The following KANK1 variants were observed in gnomAD, a reference collection of about 807,000 sequenced individuals.
KANK1 encodes the protein KN motif and ankyrin repeat domains 1, also known as KN motif and ankyrin repeat domain-containing protein 1.
KANK1 carries 109 observed loss-of-function variants against 106.2 expected under a neutral mutation model. The ratio of observed to expected loss-of-function variants is 1.03; its 90% CI spans 0.88 to 1.20. The LOEUF (loss-of-function observed/expected upper bound fraction) is 1.20. Ranked by LOEUF, KANK1 falls within the 50% of genes most tolerant of loss-of-function variation. The probability of loss-of-function intolerance (pLI) is 0.00; values close to 1 mark genes in which losing one functional copy is unlikely to be tolerated. For synonymous variants in KANK1, 873 were observed against 652.2 expected (o/e 1.34, Z -5.16); for missense variants, 2,399 against 1,710.7 (o/e 1.40, Z -7.10).
intron 2 of KANK1, among the ~76,000 whole-genome samples, chr9:695,987 A>G (rs1430560427): frequency 6.6e-6 from 1 of 152,138 alleles, no homozygotes. Context: ...GTACTGAGGA[A>G]TACAAACATA....
intron 9 of KANK1, among the ~76,000 whole-genome samples, chr9:741,982 C>G (rs556176459): frequency 6.6e-6 from 1 of 152,192 alleles, no homozygotes; most frequent in African/African-American, 2.4e-5. Flanking sequence ...ACATCCTCCA[C>G]GCTAAAATGA....
chr9:667,734 G>T (rs1588725237), intron 1 of KANK1, among the ~76,000 whole-genome samples: 1 of 67,420 alleles, frequency 1.5e-5, no homozygotes, highest in African/African-American at 5.1e-5. Flanking sequence ...ATTTCCAAAG[G>T]TTTTTTTGTT....
chr9:577,192 G>C (rs1820795765), intron 1 of KANK1, among the ~76,000 whole-genome samples: 1 of 152,192 alleles, frequency 6.6e-6, no homozygotes, highest in Non-Finnish European at 1.5e-5. Flanking sequence ...TGCCTCTGCT[G>C]GCTCTGGTGG....
At chr9:604,073 G>C (rs79252637) in intron 1 of KANK1, among the ~76,000 whole-genome samples, 17 of 151,602 alleles carry the variant, frequency 1.1e-4, no homozygotes, top group African/African-American at 4.1e-4. Context: ...AGTGATTTCA[G>C]CAAAAAGTTG....
intron 1 of KANK1, among the ~76,000 whole-genome samples, chr9:508,866 C>T (rs550328232): frequency 5.9e-4 from 90 of 152,224 alleles, no homozygotes; most frequent in African/African-American, 2.1e-3. Flanking sequence ...TTCTAGTACA[C>T]GTCTTGATAC....
At chr9:726,715 T>C (rs183293463) in intron 3 of KANK1, among the ~76,000 whole-genome samples, 2 of 151,858 alleles carry the variant, frequency 1.3e-5, no homozygotes, top group East Asian at 3.9e-4. Context: ...ATCCCAACGC[T>C]TTGGGAGGTC....
chr9:722,802 T>C (rs1157200893), intron 3 of KANK1, among the ~76,000 whole-genome samples: 2 of 152,184 alleles, frequency 1.3e-5, no homozygotes, highest in Non-Finnish European at 2.9e-5. Context: ...TGGACACTTA[T>C]TAAAGGCTCT....
rs528642198 is a variant in KANK1 at position 696,151 on chromosome 9, G to A, written c.38-14653G>A. Among the ~76,000 whole-genome samples, 20 of 152,152 alleles carry A rather than the reference G, an allele frequency of 1.3e-4. No homozygotes were observed. In the East Asian group the frequency reaches 3.7e-3, roughly 28 times the overall value. On this transcript the variant is annotated intron_variant, in intron 2 of 11. Coordinates refer to ENST00000382297, the MANE Select transcript of KANK1 (RefSeq NM_015158.5). ...TACAAAAAATTAGCCGGGCGTGGTGGCGGGCGCCTGTAGTCCCAGCTACTC... is the reference window on the plus strand; with the variant it reads ...TACAAAAAATTAGCCGGGCGTGGTGACGGGCGCCTGTAGTCCCAGCTACTC...
intron 1 of KANK1, among the ~76,000 whole-genome samples, chr9:607,499 AAAAAAAAAGG>A (rs1220682071): frequency 6.6e-6 from 1 of 151,036 alleles, no homozygotes; most frequent in African/African-American, 2.5e-5. Context: ...AAAAAAAAAA[AAAAAAAAAGG>A]AGATGGCTAT....
At chr9:672,294 G>C (rs982023258) in intron 1 of KANK1, among the ~76,000 whole-genome samples, 5 of 152,110 alleles carry the variant, frequency 3.3e-5, no homozygotes, top group Admixed American at 1.3e-4. Flanking sequence ...GTTTAAACAA[G>C]GTAATAACTG....
At chr9:663,057 C>G (rs1843716960) in intron 1 of KANK1, among the ~76,000 whole-genome samples, 1 of 152,152 alleles carries the variant, frequency 6.6e-6, no homozygotes, top group Non-Finnish European at 1.5e-5. Context: ...CCCAGGCACA[C>G]ACGAGCTTGT....
intron 3 of KANK1, among the ~76,000 whole-genome samples, chr9:728,799 G>C (rs1466147357): frequency 6.6e-6 from 1 of 152,170 alleles, no homozygotes; most frequent in Admixed American, 6.5e-5. Context: ...CAGGCCTTTA[G>C]ATAATAAGTT....
intron 2 of KANK1, among the ~76,000 whole-genome samples, chr9:678,278 T>C (rs1816805934): frequency 6.6e-6 from 1 of 152,196 alleles, no homozygotes; most frequent in Non-Finnish European, 1.5e-5. Flanking sequence ...CTAACATTCA[T>C]TGAACACTTA....
chr9:565,591 G>C (rs913246068), intron 1 of KANK1, among the ~76,000 whole-genome samples: 24 of 152,220 alleles, frequency 1.6e-4, no homozygotes, highest in African/African-American at 5.8e-4. Context: ...GGATGTTGCT[G>C]ATTGGCTGGG....
chr9:658,325 C>T (rs966609291), intron 1 of KANK1, among the ~76,000 whole-genome samples: 1 of 152,172 alleles, frequency 6.6e-6, no homozygotes, highest in Non-Finnish European at 1.5e-5. Flanking sequence ...AGTCTTCCTA[C>T]TATGACCAAC....
At chr9:705,898 C>T (rs1037376511) in intron 2 of KANK1, among the ~76,000 whole-genome samples, 11 of 151,836 alleles carry the variant, frequency 7.2e-5, no homozygotes, top group African/African-American at 2.7e-4. Flanking sequence ...AGCGTGCTCT[C>T]CAAAAAAAAT....
chr9:519,652 A>G (rs1396482369), intron 1 of KANK1, among the ~76,000 whole-genome samples: 1 of 151,688 alleles, frequency 6.6e-6, no homozygotes, highest in Non-Finnish European at 1.5e-5. Flanking sequence ...ACATTTCCTT[A>G]TTTTGCCAGG....
Position 704,898 on chromosome 9 carries a change from C to T in KANK1, c.38-5906C>T, listed in dbSNP as rs142469636. Among the ~76,000 whole-genome samples, 649 of 144,366 alleles carry T rather than the reference C, an allele frequency of 4.5e-3. 5 individuals are homozygous for T. The highest frequency in any genetic ancestry group is 0.015 in the African/African-American group (578 of 39,104). 94.7% of individuals were successfully genotyped at this position (144,366 alleles called of 152,430 possible). A position where few individuals can be genotyped will look rare whatever the true frequency, so the allele number is the denominator to read the frequency against. On this transcript the variant is annotated intron_variant, in intron 2 of 11. Transcript: ENST00000382297. ...TTCCCAGCTACTCAGGAAGCTGAGG[C>T]GGGAGGATCACTTGAGCCCAGGAGA...
At chr9:606,576 G>T (rs1310641303) in intron 1 of KANK1, among the ~76,000 whole-genome samples, 1 of 109,034 alleles carries the variant, frequency 9.2e-6, no homozygotes, top group Non-Finnish European at 2.0e-5. Flanking sequence ...ATATATGTGT[G>T]TGTTTTATAA....
Sources: allele counts gnomAD v4.1 joint callset (sites outside exome capture counted in the v4.1 genomes callset), GRCh38; gene constraint gnomAD v4.1.1; transcripts MANE v1.5; gene names NCBI Gene and HGNC (gene_info 2026-07-23, HGNC 2026-07-21).